CAB39L: variants seen among roughly 807,000 people sequenced by gnomAD.
The protein encoded by CAB39L is calcium binding protein 39 like, also known as calcium-binding protein 39-like.
In CAB39L, 23 loss-of-function variants were observed where a neutral mutation model predicts 39.1. The ratio of observed to expected loss-of-function variants is 0.59; its 90% CI spans 0.42 to 0.83. The LOEUF is 0.83. CAB39L is among the 40% of genes least tolerant of loss of function. The probability of loss-of-function intolerance (pLI) is 0.00; values close to 1 mark genes in which losing one functional copy is unlikely to be tolerated. For synonymous variants in CAB39L, 126 were observed against 137.2 expected (o/e 0.92, Z 0.57); for missense variants, 366 against 391.9 (o/e 0.93, Z 0.56).
At position 49,350,911 on chromosome 13, in the gene CAB39L, A is replaced by G. The variant is rs1407561954; in HGVS notation, c.397T>C (p.Tyr133His). ...PHILFMLLKGYEAPQIALRCG... is the reference protein window; with the variant it reads ...PHILFMLLKGHEAPQIALRCG... ...CGTAAGGCAATCTGTGGGGCTTCAT[A>G]TCTAAAGCGTAAACAAGAGAGAAAT... The change falls in exon 7 of 11, where the codon TAT (tyrosine) becomes CAT (histidine). Residue 133 changes from tyrosine (Y) to histidine (H), a missense_variant and splice_region_variant. Physicochemically the swap from Tyr to His is moderately conservative, Grantham distance 83. Coordinates refer to ENST00000409308, the MANE Select transcript of CAB39L (RefSeq NM_001079670.3). 1.1e-5 allele frequency: 17 copies of G among 1,574,948 alleles called. No homozygotes were observed. Among genetic ancestry groups the G allele is most frequent in the Non-Finnish European group, 1.4e-5 (16 of 1,162,482 alleles).
At chr13:49,399,211 C>T (rs533018926) in intron 3 of CAB39L, among the ~76,000 whole-genome samples, 1 of 152,064 alleles carries the variant, frequency 6.6e-6, no homozygotes, top group Non-Finnish European at 1.5e-5. Flanking sequence ...CTGGGCTAGA[C>T]CCTTAGGAAT....
chr13:49,392,376 C>T (rs1017269009), intron 3 of CAB39L, among the ~76,000 whole-genome samples: 2 of 150,800 alleles, frequency 1.3e-5, no homozygotes, highest in African/African-American at 5.0e-5. Flanking sequence ...CGGTGGTTCA[C>T]GCCTGTAATC....
chr13:49,414,931 T>C (rs529358781), intron 3 of CAB39L, among the ~76,000 whole-genome samples: 12 of 152,154 alleles, frequency 7.9e-5, no homozygotes, highest in African/African-American at 2.9e-4. Flanking sequence ...CGGTGGCTCA[T>C]GCCTTTAATC....
chr13:49,328,795 A>G (rs1343711053), intron 10 of CAB39L, among the ~76,000 whole-genome samples: 3 of 152,202 alleles, frequency 2.0e-5, no homozygotes, highest in Non-Finnish European at 4.4e-5. Context: ...TGATCACACT[A>G]CTGCACTCCA....
At chr13:49,336,450 G>T (rs913615832) in intron 9 of CAB39L, among the ~76,000 whole-genome samples, 3 of 152,186 alleles carry the variant, frequency 2.0e-5, no homozygotes, top group African/African-American at 7.2e-5. Flanking sequence ...CAGCCAAATG[G>T]TATGTCTGGG....
chr13:49,321,813 T>C (rs1954351038), intron 10 of CAB39L, among the ~76,000 whole-genome samples: 1 of 152,216 alleles, frequency 6.6e-6, no homozygotes, highest in African/African-American at 2.4e-5. Context: ...AGCATTTTAA[T>C]GTTGCCTTTA....
intron 5 of CAB39L, among the ~76,000 whole-genome samples, chr13:49,360,958 T>C (rs1955613247): frequency 6.6e-6 from 1 of 152,188 alleles, no homozygotes; most frequent in African/African-American, 2.4e-5. Context: ...AAGTATTTCC[T>C]TATAGCAGTG....
chr13:49,337,458 C>T (rs1954878951), intron 9 of CAB39L, among the ~76,000 whole-genome samples: 1 of 152,188 alleles, frequency 6.6e-6, no homozygotes, highest in East Asian at 1.9e-4. Flanking sequence ...CTCCCACCTC[C>T]CCCTGGCCAC....
intron 9 of CAB39L, among the ~76,000 whole-genome samples, chr13:49,336,127 CAAAAA>C (rs199728869): frequency 8.7e-6 from 1 of 115,554 alleles, no homozygotes. Flanking sequence ...GTTTTTCTAG[CAAAAA>C]AAAAAAAAAA....
chr13:49,434,064 T>A (rs971078855), intron 2 of CAB39L, 22 bp downstream of exon 2: 2 of 434,656 alleles, frequency 4.6e-6, no homozygotes, highest in Non-Finnish European at 9.1e-6. Context: ...TGTTTCCCCA[T>A]CAGAAATAAG....
At chr13:49,413,008 T>C (rs1318997991) in intron 3 of CAB39L, 1 of 152,188 alleles carries the variant, frequency 6.6e-6, no homozygotes, top group Non-Finnish European at 1.5e-5. Context: ...TCTTGATTGG[T>C]GTTTTCAGAA....
Position 49,359,850 on chromosome 13 carries a change from A to G in CAB39L, c.277-18T>C. The G allele has an allele frequency of 2.1e-6, 3 of 1,415,622 alleles. No individual in the cohort carries two copies. The highest frequency in any genetic ancestry group is 4.6e-5 in the East Asian group (2 of 43,888). The allele number at this position is 1,415,622 out of a possible 1,614,324, so 87.7% of individuals were successfully genotyped here. A position where few individuals can be genotyped will look rare whatever the true frequency, so the allele number is the denominator to read the frequency against. ...TTTTTTCCCTGTTAAAGAAACAAAC[A>G]GAAATTAAATTGTACACTCTAAATG... On this transcript the variant is annotated intron_variant, in intron 5 of 10. Coordinates refer to ENST00000409308, the MANE Select transcript of CAB39L (RefSeq NM_001079670.3).
intron 6 of CAB39L, among the ~76,000 whole-genome samples, chr13:49,353,374 C>G (rs183341669): frequency 1.3e-3 from 193 of 152,194 alleles, no homozygotes; most frequent in Admixed American, 7.8e-3. Flanking sequence ...AGGCTGTTGG[C>G]CTAGAGAAAG....
intron 10 of CAB39L, among the ~76,000 whole-genome samples, chr13:49,322,951 G>A (rs1296678544): frequency 1.3e-5 from 2 of 152,150 alleles, no homozygotes; most frequent in African/African-American, 4.8e-5. Context: ...TGAAACATGT[G>A]CTCTGCCCTC....
chr13:49,323,763 T>A (rs1487257240), intron 10 of CAB39L, among the ~76,000 whole-genome samples: 1 of 152,218 alleles, frequency 6.6e-6, no homozygotes, highest in African/African-American at 2.4e-5. Flanking sequence ...CAGGACTCTG[T>A]TCTTGTCCCA....
chr13:49,417,103 G>A lies in CAB39L; in HGVS notation c.-32+16215C>T, dbSNP rs147289085. Among the ~76,000 whole-genome samples, 28 of 152,296 alleles carry A rather than the reference G, an allele frequency of 1.8e-4. No homozygotes were observed. In the East Asian group the frequency reaches 4.6e-3, roughly 25 times the overall value. Reference sequence around the variant, plus strand: ...TCTTATCTGAACCCAATCCACTCCTGATTAAGATAATGGTTGGATAGTAAT... The same window carrying A: ...TCTTATCTGAACCCAATCCACTCCTAATTAAGATAATGGTTGGATAGTAAT... On this transcript the variant is annotated intron_variant, in intron 3 of 10. Transcript: ENST00000409308.
chr13:49,364,250 T>C (rs1014020892), intron 5 of CAB39L, among the ~76,000 whole-genome samples: 1 of 152,140 alleles, frequency 6.6e-6, no homozygotes, highest in Non-Finnish European at 1.5e-5. Flanking sequence ...ACATGATAAC[T>C]TTTACCACTG....
At chr13:49,402,909 A>T (rs1358718771) in intron 3 of CAB39L, among the ~76,000 whole-genome samples, 1 of 152,100 alleles carries the variant, frequency 6.6e-6, no homozygotes, top group East Asian at 1.9e-4. Flanking sequence ...TTTTAAAGAG[A>T]TGTTAAATGG....
rs752996755 is a variant in CAB39L, at chr13:49,359,823, C to A, written c.286G>T (p.Asp96Tyr). Residue 96 changes from aspartate to tyrosine, a missense_variant, in exon 6 of 11, where the codon GAT (aspartate) becomes TAT (tyrosine). Asp to Tyr is a radical substitution (Grantham distance 160). Transcript: ENST00000409308. The part of the protein sequence containing the change: ...LQLIDFEGKK[D>Y]VTQIFNNILR... ...ATGTTGTTAAATATCTGGGTCACATCTTTTTTTCCCTGTTAAAGAAACAAA... is the reference window on the plus strand; with the variant it reads ...ATGTTGTTAAATATCTGGGTCACATATTTTTTTCCCTGTTAAAGAAACAAA... 5 of 1,595,912 alleles carry A rather than the reference C, an allele frequency of 3.1e-6. No homozygotes were observed. The South Asian group carries it at 4.4e-5, about 14-fold the overall frequency.
Sources: allele counts gnomAD v4.1 joint callset (sites outside exome capture counted in the v4.1 genomes callset), GRCh38; gene constraint gnomAD v4.1.1; transcripts MANE v1.5; gene names NCBI Gene and HGNC (gene_info 2026-07-23, HGNC 2026-07-21).